MAN1A1: variants seen among roughly 807,000 people sequenced by gnomAD.
The protein encoded by MAN1A1 is mannosidase alpha class 1A member 1.
MAN1A1 carries 29 observed loss-of-function variants against 70.8 expected under a neutral mutation model. The observed-to-expected ratio is 0.41, with a 90% CI of 0.31 to 0.56. The LOEUF is 0.56. Among genes scored for constraint, MAN1A1 ranks in the 20% least tolerant of loss-of-function variants. The pLI is 0.29. For synonymous variants in MAN1A1, 349 were observed against 330.1 expected (o/e 1.06, Z -0.62); for missense variants, 747 against 841.3 (o/e 0.89, Z 1.39).
At position 119,322,249 on chromosome 6, in the gene MAN1A1, T is replaced by C. The variant is rs79073413; in HGVS notation, c.604-15257A>G. On this transcript the variant is annotated intron_variant, in intron 2 of 12. Coordinates refer to ENST00000368468, the MANE Select transcript of MAN1A1 (RefSeq NM_005907.4). ...GAGCTCACTGGTGTACAGCTGTATG[T>C]CTGTGATGATCTTATCCACATTACT... is the stretch of plus-strand genomic sequence containing the variant. Among the ~76,000 whole-genome samples, 892 of 152,320 alleles carry C rather than the reference T, an allele frequency of 5.9e-3. 28 individuals carry two copies. In the East Asian group the frequency reaches 0.09, roughly 15 times the overall value.
intron 2 of MAN1A1, among the ~76,000 whole-genome samples, chr6:119,311,399 T>C (rs766089248): frequency 2.0e-5 from 3 of 152,142 alleles, no homozygotes; most frequent in African/African-American, 7.2e-5. Context: ...ATCCAAAAGA[T>C]GGAGGAAGAA....
At chr6:119,331,761 A>G (rs1405122590) in intron 2 of MAN1A1, among the ~76,000 whole-genome samples, 2 of 152,080 alleles carry the variant, frequency 1.3e-5, no homozygotes, top group Non-Finnish European at 2.9e-5. Flanking sequence ...AAATTGTGCC[A>G]GTCCTCACCT....
intron 2 of MAN1A1, among the ~76,000 whole-genome samples, chr6:119,310,937 T>C (rs904142044): frequency 6.6e-6 from 1 of 152,198 alleles, no homozygotes; most frequent in Non-Finnish European, 1.5e-5. Context: ...CTATGTGTAC[T>C]TGTAGAAAAG....
chr6:119,219,299 T>C (rs1327293353), intron 6 of MAN1A1, among the ~76,000 whole-genome samples: 1 of 152,162 alleles, frequency 6.6e-6, no homozygotes, highest in Non-Finnish European at 1.5e-5. Context: ...GTTTTGACAA[T>C]AGAGAGACTA....
At chr6:119,273,492 GCTGCACTCCCTTA>G (rs1775979377) in intron 5 of MAN1A1, among the ~76,000 whole-genome samples, 2 of 152,084 alleles carry the variant, frequency 1.3e-5, no homozygotes, top group Non-Finnish European at 2.9e-5. Flanking sequence ...TCCATGATCT[GCTGCACTCCCTTA>G]CTGCTGAATA....
At chr6:119,251,839 C>G (rs1307502868) in intron 5 of MAN1A1, among the ~76,000 whole-genome samples, 2 of 152,210 alleles carry the variant, frequency 1.3e-5, no homozygotes, top group African/African-American at 4.8e-5. Flanking sequence ...AGTTAACAGA[C>G]AGGAACAGCG....
intron 6 of MAN1A1, among the ~76,000 whole-genome samples, chr6:119,232,681 G>GTGTA (rs1320030649): frequency 7.0e-5 from 2 of 28,480 alleles, no homozygotes; most frequent in Non-Finnish European, 2.4e-4. Flanking sequence ...ACATATATAT[G>GTGTA]TGTGTGTGTG....
intron 2 of MAN1A1, among the ~76,000 whole-genome samples, chr6:119,314,121 C>T (rs1772786667): frequency 6.6e-6 from 1 of 152,176 alleles, no homozygotes; most frequent in East Asian, 1.9e-4. Context: ...GTTCCCATAG[C>T]TCTGTGAGGA....
chr6:119,187,712 T>G (rs993961990), intron 11 of MAN1A1, among the ~76,000 whole-genome samples: 4 of 152,224 alleles, frequency 2.6e-5, no homozygotes, highest in Non-Finnish European at 5.9e-5. Context: ...CTCCCACTCC[T>G]TGAGGAATAA....
chr6:119,279,970 C>T (rs756886451), intron 5 of MAN1A1, among the ~76,000 whole-genome samples: 9 of 152,222 alleles, frequency 5.9e-5, no homozygotes, highest in Non-Finnish European at 1.3e-4. Context: ...CAGCACTTGA[C>T]AGAACTGAAC....
rs767231393 is a variant in MAN1A1, at chr6:119,179,874, T to C, written c.1907A>G (p.His636Arg). Residue 636 changes from histidine to arginine, a missense_variant, in exon 13 of 13, where the codon CAT becomes CGT. Around this residue, in one of 2 missense-constraint regions of MAN1A1, gnomAD observed 419 missense variants for 548.2 expected, o/e 0.76. Transcript: ENST00000368468. ...ATCTTTAGGGAGGATAGGGAGAAGA[T>C]GTGCCTCGCTATTGAAGATCCAATG... ...LEHWIFNSEA[H>R]LLPILPKDKK... is the part of the protein sequence containing the mutation. 6.2e-7 allele frequency: 1 copy of C among 1,612,690 alleles called. No homozygotes were observed.
chr6:119,307,727 C>T (rs1772571265), intron 2 of MAN1A1, among the ~76,000 whole-genome samples: 1 of 152,032 alleles, frequency 6.6e-6, no homozygotes, highest in Non-Finnish European at 1.5e-5. Context: ...TCAAAGAACA[C>T]ATATAATTAT....
intron 2 of MAN1A1, among the ~76,000 whole-genome samples, chr6:119,347,775 AT>A (rs1356949071): frequency 5.3e-5 from 8 of 152,272 alleles, no homozygotes; most frequent in African/African-American, 1.9e-4. Flanking sequence ...GGAAAGATGT[AT>A]CAAAGTCCAT....
intron 5 of MAN1A1, among the ~76,000 whole-genome samples, chr6:119,288,700 A>G (rs1482779960): frequency 2.6e-5 from 4 of 152,102 alleles, no homozygotes; most frequent in Admixed American, 2.0e-4. Context: ...GATTATAGCA[A>G]TATTATTCAA....
intron 6 of MAN1A1, among the ~76,000 whole-genome samples, chr6:119,219,479 A>G (rs1475110930): frequency 6.6e-6 from 1 of 152,206 alleles, no homozygotes; most frequent in East Asian, 1.9e-4. Flanking sequence ...AGTGGGATCA[A>G]ATGGAATAAT....
chr6:119,349,229 C>G lies in MAN1A1; in HGVS notation c.-164G>C. 8.2e-7 allele frequency: 1 copy of G among 1,212,896 alleles called. No individual in the cohort carries two copies. The highest frequency in any genetic ancestry group is 1.0e-6 in the Non-Finnish European group (1 of 976,244). 75.1% of individuals were successfully genotyped at this position (1,212,896 alleles called of 1,614,324 possible). A position where few individuals can be genotyped will look rare whatever the true frequency, so the allele number is the denominator to read the frequency against. ...GGGGAACAACTCCGCGCCGGGTCTT[C>G]TCCCCGGGGCGGCTCCTCGGGCACA... is the stretch of plus-strand genomic sequence containing the variant. On this transcript the variant is annotated 5_prime_UTR_variant, in exon 2 of 13. Transcript: ENST00000368468.
chr6:119,326,354 C>A (rs955722507), intron 2 of MAN1A1, among the ~76,000 whole-genome samples: 2 of 152,222 alleles, frequency 1.3e-5, no homozygotes, highest in East Asian at 1.9e-4. Flanking sequence ...TGGGCACGAG[C>A]ACCTGTATAG....
intron 6 of MAN1A1, among the ~76,000 whole-genome samples, chr6:119,236,007 T>C (rs1303693910): frequency 6.6e-6 from 1 of 151,852 alleles, no homozygotes; most frequent in Admixed American, 6.6e-5. Flanking sequence ...GGTGTGGTGG[T>C]GTGCTCCTGT....
intron 6 of MAN1A1, among the ~76,000 whole-genome samples, chr6:119,244,550 T>A (rs1029305768): frequency 1.3e-5 from 2 of 152,162 alleles, no homozygotes; most frequent in African/African-American, 4.8e-5. Context: ...ATTAAAATTT[T>A]TTTTTCTGAA....
Sources: gnomAD v4.1 joint callset for allele counts (sites outside exome capture counted in the v4.1 genomes callset) on GRCh38, gnomAD v4.1.1 for gene constraint, gnomAD v4.1.1 regional missense constraint, MANE v1.5 for transcripts, NCBI Gene and HGNC (gene_info 2026-07-23, HGNC 2026-07-21) for gene names.